The following GPC5 variants were observed in gnomAD, a reference collection of about 807,000 sequenced individuals.
The protein encoded by GPC5 is glypican 5, also known as glypican-5.
GPC5 carries 47 observed loss-of-function variants against 53.9 expected under a neutral mutation model. The observed-to-expected ratio is 0.87, with a 90% CI of 0.69 to 1.11. The LOEUF is 1.11. Ranked by LOEUF, GPC5 falls within the 50% of genes most tolerant of loss-of-function variation. The pLI is 0.00. For synonymous variants in GPC5, 286 were observed against 263.3 expected (o/e 1.09, Z -0.84); for missense variants, 748 against 713.1 (o/e 1.05, Z -0.56).
chr13:91,783,330 G>C (rs2037827823), intron 5 of GPC5, among the ~76,000 whole-genome samples: 1 of 152,158 alleles, frequency 6.6e-6, no homozygotes, highest in African/African-American at 2.4e-5. Flanking sequence ...TATGCAATTG[G>C]TGAAGTAAAA....
At chr13:92,198,398 C>T (rs2042271970) in intron 7 of GPC5, among the ~76,000 whole-genome samples, 1 of 152,156 alleles carries the variant, frequency 6.6e-6, no homozygotes, top group African/African-American at 2.4e-5. Flanking sequence ...CATAGATATG[C>T]TCCTTATTAA....
intron 2 of GPC5, among the ~76,000 whole-genome samples, chr13:91,617,149 A>G (rs912651637): frequency 1.8e-4 from 27 of 152,158 alleles, no homozygotes; most frequent in Admixed American, 6.6e-4. Context: ...GCAATCAATT[A>G]AATGTCATCA....
At chr13:91,681,300 A>C (rs1055570762) in intron 2 of GPC5, among the ~76,000 whole-genome samples, 22 of 152,198 alleles carry the variant, frequency 1.4e-4, no homozygotes, top group Admixed American at 5.9e-4. Context: ...TTACCAATAG[A>C]GGGTATAAGA....
At chr13:92,656,775 G>A (rs1667536952) in intron 7 of GPC5, among the ~76,000 whole-genome samples, 1 of 152,112 alleles carries the variant, frequency 6.6e-6, no homozygotes, top group Non-Finnish European at 1.5e-5. Context: ...GCAATATAGT[G>A]AACCCCATTT....
chr13:92,795,014 A>C (rs534612296), intron 7 of GPC5, among the ~76,000 whole-genome samples: 2 of 152,112 alleles, frequency 1.3e-5, no homozygotes, highest in African/African-American at 4.8e-5. Flanking sequence ...TGACTTTCTT[A>C]ACAGAATTGG....
At chr13:92,821,572 G>A (rs1205264953) in intron 7 of GPC5, among the ~76,000 whole-genome samples, 1 of 148,622 alleles carries the variant, frequency 6.7e-6, no homozygotes. Flanking sequence ...TGGAAGCCTG[G>A]GTTTTCCTTT....
intron 7 of GPC5, among the ~76,000 whole-genome samples, chr13:92,233,791 A>G (rs1034494136): frequency 6.6e-6 from 1 of 151,966 alleles, no homozygotes; most frequent in East Asian, 1.9e-4. Flanking sequence ...TATATCTCCA[A>G]ATGCTATCCC....
At chr13:91,722,028 TA>T (rs1358048858) in intron 3 of GPC5, among the ~76,000 whole-genome samples, 1 of 152,208 alleles carries the variant, frequency 6.6e-6, no homozygotes, top group African/African-American at 2.4e-5. Flanking sequence ...GTCCTACCAA[TA>T]ATGAGGGCTC....
At chr13:92,150,638 G>A (rs11842003) in intron 7 of GPC5, among the ~76,000 whole-genome samples, 4,423 of 151,982 alleles carry the variant, frequency 0.029, 171 homozygotes, top group African/African-American at 0.089. Flanking sequence ...TGAAGTAAAA[G>A]GTTTGTCCTT....
intron 7 of GPC5, among the ~76,000 whole-genome samples, chr13:92,466,265 C>T (rs4405428): frequency 0.29 from 44,665 of 151,786 alleles, 7,102 homozygotes; most frequent in East Asian, 0.41. Flanking sequence ...CCTTGCGTAT[C>T]AGGACAAACT....
intron 7 of GPC5, among the ~76,000 whole-genome samples, chr13:92,226,072 A>G (rs1461553970): frequency 1.3e-4 from 20 of 152,110 alleles, no homozygotes; most frequent in Admixed American, 1.2e-3. Context: ...ACAAGATCTG[A>G]TGGCTTAAGA....
rs1202482366 is a variant in GPC5 at position 92,445,303 on chromosome 13, GTTTTA to G, written c.1561+300337_1561+300341del. On this transcript the variant is annotated intron_variant, in intron 7 of 7. Coordinates refer to ENST00000377067, the MANE Select transcript of GPC5 (RefSeq NM_004466.6). ...AGATTCTCTTTTTGTGATTTTTTTTGTTTTATTTTATTTTATTTTATTTTATTATA... is the reference window on the plus strand; with the variant it reads ...AGATTCTCTTTTTGTGATTTTTTTTGTTTTATTTTATTTTATTTTATTATA... Among the ~76,000 whole-genome samples the G allele has an allele frequency of 3.3e-3, 321 of 97,562 alleles. 2 individuals carry two copies. Among genetic ancestry groups the G allele is most frequent in the African/African-American group, 8.7e-3 (213 of 24,452 alleles). 64.0% of individuals were successfully genotyped at this position (97,562 alleles called of 152,430 possible). A position where few individuals can be genotyped will look rare whatever the true frequency, so the allele number is the denominator to read the frequency against.
chr13:91,417,071 G>T (rs149319978), intron 1 of GPC5, among the ~76,000 whole-genome samples: 1 of 152,106 alleles, frequency 6.6e-6, no homozygotes. Flanking sequence ...ATGGAGCAGA[G>T]GGGGGGAGTA....
At chr13:92,526,959 A>T (rs1429848473) in intron 7 of GPC5, among the ~76,000 whole-genome samples, 2 of 151,430 alleles carry the variant, frequency 1.3e-5, no homozygotes, top group Non-Finnish European at 2.9e-5. Flanking sequence ...GTAAGAAAGA[A>T]TCAAGAGATG....
chr13:91,919,141 T>C (rs2039686698), intron 6 of GPC5, among the ~76,000 whole-genome samples: 3 of 152,206 alleles, frequency 2.0e-5, no homozygotes, highest in Non-Finnish European at 1.5e-5. Flanking sequence ...CTTTTTTACT[T>C]ACTACTAATC....
Position 91,500,424 on chromosome 13 carries a change from T to C in GPC5, c.325+51502T>C, listed in dbSNP as rs189542765. 3.7e-3 allele frequency among the ~76,000 whole-genome samples: 562 copies of C among 152,256 alleles called. 1 individual carries two copies. The highest frequency in any genetic ancestry group is 5.9e-3 in the Non-Finnish European group (401 of 68,004). ...AATCTTCCCTTTTTCTTGGGATCCA[T>C]TGGATACACAGAAGATGGGTATTAG... On this transcript the variant is annotated intron_variant, in intron 2 of 7. Transcript: ENST00000377067.
chr13:92,855,007 G>T (rs1878949289), intron 7 of GPC5, among the ~76,000 whole-genome samples: 1 of 151,986 alleles, frequency 6.6e-6, no homozygotes, highest in Non-Finnish European at 1.5e-5. Flanking sequence ...TAGTATTTTT[G>T]TGGTTTCAGG....
intron 2 of GPC5, among the ~76,000 whole-genome samples, chr13:91,506,265 T>G (rs778340476): frequency 4.6e-5 from 7 of 152,118 alleles, no homozygotes; most frequent in Non-Finnish European, 1.0e-4. Flanking sequence ...TAAATATAAT[T>G]TAAAATAAAA....
intron 7 of GPC5, among the ~76,000 whole-genome samples, chr13:92,328,369 A>G (rs755135882): frequency 4.6e-5 from 7 of 152,158 alleles, no homozygotes; most frequent in Non-Finnish European, 2.9e-5. Context: ...ACAGAACCAG[A>G]TATAGAATCT....
Sources: gnomAD v4.1 joint callset for allele counts (sites outside exome capture counted in the v4.1 genomes callset) on GRCh38, gnomAD v4.1.1 for gene constraint, MANE v1.5 for transcripts, NCBI Gene and HGNC (gene_info 2026-07-23, HGNC 2026-07-21) for gene names.